KIRREL3: variants seen among roughly 807,000 people sequenced by gnomAD.
KIRREL3 encodes the protein kin of IRRE-like protein 3.
In KIRREL3, 36 loss-of-function variants were observed where a neutral mutation model predicts 89.7. The observed-to-expected ratio is 0.40, with a 90% CI of 0.31 to 0.53. KIRREL3 has a LOEUF of 0.53. Ranked by LOEUF, KIRREL3 falls within the 20% of genes least tolerant of loss-of-function variation. The probability of loss-of-function intolerance (pLI) is 0.49; values close to 1 mark genes in which losing one functional copy is unlikely to be tolerated. For missense variants in KIRREL3, 864 were observed against 1,056.6 expected, an observed-to-expected ratio of 0.82 and a Z score of 2.53; for synonymous variants, 445 against 441.4, an observed-to-expected ratio of 1.01 and a Z score of -0.10.
At chr11:126,690,704 G>A (rs1483672089) in intron 1 of KIRREL3, among the ~76,000 whole-genome samples, 1 of 152,188 alleles carries the variant, frequency 6.6e-6, no homozygotes, top group African/African-American at 2.4e-5. Flanking sequence ...ACCAGCTAAG[G>A]ACAAGGCCTT....
At chr11:126,446,331 T>C (rs1344416158) in intron 9 of KIRREL3, among the ~76,000 whole-genome samples, 4 of 152,048 alleles carry the variant, frequency 2.6e-5, no homozygotes, top group East Asian at 1.9e-4. Context: ...TTCCTTTCTT[T>C]CTTTCCTTTC....
intron 2 of KIRREL3, among the ~76,000 whole-genome samples, chr11:126,538,892 G>A (rs761591472): frequency 7.9e-5 from 12 of 152,290 alleles, no homozygotes; most frequent in Non-Finnish European, 1.2e-4. Flanking sequence ...CACCATAAGC[G>A]TCAGAGTGAG....
intron 1 of KIRREL3, among the ~76,000 whole-genome samples, chr11:126,800,454 A>G (rs1160086087): frequency 6.6e-6 from 1 of 152,196 alleles, no homozygotes; most frequent in Non-Finnish European, 1.5e-5. Flanking sequence ...GGGCATTAGC[A>G]TAAGTGGTAC....
At position 126,932,850 on chromosome 11, in the gene KIRREL3, T is replaced by A. The variant is rs115717996; in HGVS notation, c.55+67605A>T. On this transcript the variant is annotated intron_variant, in intron 1 of 16. Coordinates refer to ENST00000525144, the MANE Select transcript of KIRREL3 (RefSeq NM_032531.4). ...AGTTATTAAAACCCACACAATATGA[T>A]CTAATAATTTATTAATAATCAACAT... 2.4e-3 allele frequency among the ~76,000 whole-genome samples: 362 copies of A among 152,340 alleles called. 1 individual carries two copies. The highest frequency in any genetic ancestry group is 8.3e-3 in the African/African-American group (344 of 41,574).
intron 4 of KIRREL3, among the ~76,000 whole-genome samples, chr11:126,478,454 C>CG: frequency 6.8e-6 from 1 of 146,552 alleles, no homozygotes; most frequent in Admixed American, 6.8e-5. Context: ...GGGATGGGGC[C>CG]GGGGGGACGG....
At chr11:126,693,825 G>A (rs920083514) in intron 1 of KIRREL3, among the ~76,000 whole-genome samples, 9 of 152,200 alleles carry the variant, frequency 5.9e-5, no homozygotes, top group Non-Finnish European at 1.2e-4. Flanking sequence ...GCTCTGGCCT[G>A]GGCTGCAGCC....
intron 1 of KIRREL3, among the ~76,000 whole-genome samples, chr11:126,735,957 C>T (rs1259983020): frequency 2.0e-5 from 3 of 152,200 alleles, no homozygotes; most frequent in African/African-American, 4.8e-5. Flanking sequence ...ATTGGCAATT[C>T]AGCAGAGGTC....
chr11:126,458,128 C>T (rs1285583225), intron 6 of KIRREL3, among the ~76,000 whole-genome samples: 2 of 152,174 alleles, frequency 1.3e-5, no homozygotes, highest in Admixed American at 1.3e-4. Context: ...AGTGGGCAGC[C>T]CAGGACCTCA....
At chr11:126,751,232 T>C (rs1021671558) in intron 1 of KIRREL3, among the ~76,000 whole-genome samples, 8 of 152,184 alleles carry the variant, frequency 5.3e-5, no homozygotes, top group Middle Eastern at 3.2e-3. Context: ...AAGCAAGCTG[T>C]CTTATTCTGA....
Position 126,748,442 on chromosome 11 carries a change from T to C in KIRREL3, c.56-185530A>G, listed in dbSNP as rs562867906. Among the ~76,000 whole-genome samples the C allele has an allele frequency of 6.6e-6, 1 of 152,346 alleles. No homozygotes were observed. The highest frequency in any genetic ancestry group is 2.4e-5 in the African/African-American group (1 of 41,590). On this transcript the variant is annotated intron_variant, in intron 1 of 16. Coordinates refer to ENST00000525144, the MANE Select transcript of KIRREL3 (RefSeq NM_032531.4). The surrounding 1 kb of genome is among the most constrained non-coding windows in gnomAD (Gnocchi z 4.6). ...CCCCAAAAGGTTATTTCATCAATAA[T>C]TCTTGAGCTTGCCTACGGCGAGAAT... is the stretch of plus-strand genomic sequence containing the variant.
rs931986645 is a variant in KIRREL3 at position 126,729,184 on chromosome 11, G to A, written c.56-166272C>T. ...TGTGGTTGGAGCAAAAAGATGAAGAGTGAGTCTAAGAGGTCATGAAGAAGG... is the reference window on the plus strand; with the variant it reads ...TGTGGTTGGAGCAAAAAGATGAAGAATGAGTCTAAGAGGTCATGAAGAAGG... On this transcript the variant is annotated intron_variant, in intron 1 of 16. Coordinates refer to ENST00000525144, the MANE Select transcript of KIRREL3 (RefSeq NM_032531.4). This position sits in a 1 kb window ranked among gnomAD's most constrained non-coding sequence, Gnocchi z 4.5. Among the ~76,000 whole-genome samples, 2 of 152,262 alleles carry A rather than the reference G, an allele frequency of 1.3e-5. No individual in the cohort carries two copies. Among genetic ancestry groups the A allele is most frequent in the Non-Finnish European group, 2.9e-5 (2 of 68,040 alleles).
At position 126,917,266 on chromosome 11, in the gene KIRREL3, T is replaced by TA. The variant is rs1463400566; in HGVS notation, c.55+83188dup. 6.6e-6 allele frequency among the ~76,000 whole-genome samples: 1 copy of TA among 152,042 alleles called. No homozygotes were observed. Among genetic ancestry groups the TA allele is most frequent in the Non-Finnish European group, 1.5e-5 (1 of 68,012 alleles). On this transcript the variant is annotated intron_variant, in intron 1 of 16. Coordinates refer to ENST00000525144, the MANE Select transcript of KIRREL3 (RefSeq NM_032531.4). This position sits in a 1 kb window ranked among gnomAD's most constrained non-coding sequence, Gnocchi z 5.0. Reference sequence around the variant, plus strand: ...TTCAGAATAGGCAAATTCATAAAAATAAAAAATAGATTAAAGGTTATCAGG... The same window carrying TA: ...TTCAGAATAGGCAAATTCATAAAAATAAAAAAATAGATTAAAGGTTATCAGG...
intron 4 of KIRREL3, among the ~76,000 whole-genome samples, chr11:126,487,033 C>T (rs778938201): frequency 6.4e-4 from 97 of 152,232 alleles, no homozygotes; most frequent in Middle Eastern, 6.8e-3. Flanking sequence ...TCCTGCCTAC[C>T]GATACCCTGG....
Position 126,574,904 on chromosome 11 carries a change from G to A in KIRREL3, c.56-11992C>T, listed in dbSNP as rs1196718744. Among the ~76,000 whole-genome samples the A allele has an allele frequency of 6.6e-6, 1 of 152,168 alleles. No individual in the cohort carries two copies. Among genetic ancestry groups the A allele is most frequent in the East Asian group, 1.9e-4 (1 of 5,196 alleles). On this transcript the variant is annotated intron_variant, in intron 1 of 16. Coordinates refer to ENST00000525144, the MANE Select transcript of KIRREL3 (RefSeq NM_032531.4). This position sits in a 1 kb window ranked among gnomAD's most constrained non-coding sequence, Gnocchi z 5.3. ...CTGGGTCCACACTGGCAATTCCTGG[G>A]TCTATTCTGGAACAATCATGCTTAC...
intron 1 of KIRREL3, among the ~76,000 whole-genome samples, chr11:126,793,211 T>C (rs1038528907): frequency 6.7e-6 from 1 of 148,206 alleles, no homozygotes; most frequent in African/African-American, 2.5e-5. Context: ...CATGTAAAAG[T>C]CACTGGAAAT....
chr11:126,641,015 C>A lies in KIRREL3; in HGVS notation c.56-78103G>T, dbSNP rs1944448577. On this transcript the variant is annotated intron_variant, in intron 1 of 16. Transcript: ENST00000525144. This position sits in a 1 kb window ranked among gnomAD's most constrained non-coding sequence, Gnocchi z 5.0. Reference sequence around the variant, plus strand: ...CCCTCCACTTGCAATGTGTAACAGGCATCTCAAATTTCACATGCTCCGAAA... The same window carrying A: ...CCCTCCACTTGCAATGTGTAACAGGAATCTCAAATTTCACATGCTCCGAAA... Among the ~76,000 whole-genome samples the A allele has an allele frequency of 6.6e-6, 1 of 152,156 alleles. No homozygotes were observed. The highest frequency in any genetic ancestry group is 2.4e-5 in the African/African-American group (1 of 41,430).
chr11:126,439,528 A>C (rs1955482551), intron 11 of KIRREL3, among the ~76,000 whole-genome samples: 1 of 149,602 alleles, frequency 6.7e-6, no homozygotes, highest in Non-Finnish European at 1.5e-5. Flanking sequence ...AAAAAAATGC[A>C]GATACTGGCT....
chr11:126,941,429 C>T (rs1948441013), intron 1 of KIRREL3, among the ~76,000 whole-genome samples: 1 of 152,166 alleles, frequency 6.6e-6, no homozygotes, highest in African/African-American at 2.4e-5. Context: ...AGAGATGAGT[C>T]CTAACCCAGA....
chr11:126,882,791 A>AT, intron 1 of KIRREL3, among the ~76,000 whole-genome samples: 1 of 152,292 alleles, frequency 6.6e-6, no homozygotes. Flanking sequence ...CTAATGGTGC[A>AT]TTTTGAGTGG....
Sources: gnomAD v4.1 joint callset for allele counts (sites outside exome capture counted in the v4.1 genomes callset) on GRCh38, gnomAD v4.1.1 for gene constraint, Gnocchi (gnomAD v3.1) non-coding constraint, MANE v1.5 for transcripts, NCBI Gene and HGNC (gene_info 2026-07-23, HGNC 2026-07-21) for gene names.